The following DENND1B variants were observed in gnomAD, a reference collection of about 807,000 sequenced individuals.
DENND1B encodes the protein DENN domain-containing protein 1B.
In DENND1B, 59 loss-of-function variants were observed where a neutral mutation model predicts 90.1. That is an observed-to-expected ratio of 0.65 (90% confidence interval 0.53 to 0.81). The LOEUF is 0.81. Among genes scored for constraint, DENND1B ranks in the 40% least tolerant of loss-of-function variants. DENND1B has a pLI of 0.00. For missense variants in DENND1B, 862 were observed against 912.6 expected, an observed-to-expected ratio of 0.94 and a Z score of 0.71; for synonymous variants, 337 against 324.6, an observed-to-expected ratio of 1.04 and a Z score of -0.41.
chr1:197,781,403 A>C, the DENND1B span, among the ~76,000 whole-genome samples: 76 of 152,332 alleles, frequency 5.0e-4, no homozygotes, highest in African/African-American at 1.8e-3. Flanking sequence ...ATAGAAGAAA[A>C]GTTATAAAGT....
Position 197,674,250 on chromosome 1 carries a change from T to C in DENND1B, c.127-81A>G, listed in dbSNP as rs563349721. ...CAGTTAAAACTTCTTTGAGACATTTTCTAGGAGAAAAAGATGCTTTCTTTG... is the reference window on the plus strand; with the variant it reads ...CAGTTAAAACTTCTTTGAGACATTTCCTAGGAGAAAAAGATGCTTTCTTTG... On this transcript the variant is annotated intron_variant, in intron 3 of 22. Transcript: ENST00000620048. The C allele has an allele frequency of 3.0e-5, 31 of 1,021,284 alleles. 1 individual carries two copies. The South Asian group carries it at 4.4e-4, about 15-fold the overall frequency. The allele number at this position is 1,021,284 out of a possible 1,614,324, so 63.3% of individuals were successfully genotyped here. A position where few individuals can be genotyped will look rare whatever the true frequency, so the allele number is the denominator to read the frequency against.
intron 6 of DENND1B, among the ~76,000 whole-genome samples, chr1:197,653,211 A>T (rs1653430529): frequency 6.6e-6 from 1 of 152,116 alleles, no homozygotes; most frequent in Non-Finnish European, 1.5e-5. Context: ...CATAAAAAGA[A>T]CAAAAACAAT....
At chr1:197,529,613 A>G (rs1669474739) in intron 20 of DENND1B, among the ~76,000 whole-genome samples, 1 of 152,110 alleles carries the variant, frequency 6.6e-6, no homozygotes, top group Non-Finnish European at 1.5e-5. Flanking sequence ...TATAACTGCT[A>G]GACTAAGCCA....
intron 2 of DENND1B, among the ~76,000 whole-genome samples, chr1:197,746,088 T>C (rs1663717801): frequency 6.6e-6 from 1 of 152,188 alleles, no homozygotes; most frequent in African/African-American, 2.4e-5. Context: ...GTAGTTACAC[T>C]GGATACAGAT....
intron 20 of DENND1B, among the ~76,000 whole-genome samples, chr1:197,530,850 G>A (rs1203854610): frequency 6.6e-6 from 1 of 152,140 alleles, no homozygotes; most frequent in East Asian, 1.9e-4. Flanking sequence ...TTAAGGCTTA[G>A]GGATATTTTG....
intron 7 of DENND1B, among the ~76,000 whole-genome samples, chr1:197,651,645 C>CTTTTT (rs34012616): frequency 9.7e-5 from 6 of 61,560 alleles, no homozygotes; most frequent in Admixed American, 4.2e-4. Flanking sequence ...ATCAATGCTT[C>CTTTTT]TTTTTTTTTT....
intron 2 of DENND1B, among the ~76,000 whole-genome samples, chr1:197,726,283 T>G (rs1661626216): frequency 6.6e-6 from 1 of 152,130 alleles, no homozygotes; most frequent in African/African-American, 2.4e-5. Flanking sequence ...TCGTGTTTTA[T>G]ACAACTAAAT....
chr1:197,603,470 A>G (rs1261067694), intron 13 of DENND1B, among the ~76,000 whole-genome samples: 15 of 151,204 alleles, frequency 9.9e-5, no homozygotes, highest in Non-Finnish European at 1.6e-4. Flanking sequence ...TGACCTATCA[A>G]TATTATTACT....
chr1:197,541,120 A>G, intron 18 of DENND1B, 105 bp from the exon 19 acceptor site: 3 of 1,027,548 alleles, frequency 2.9e-6, no homozygotes, highest in Non-Finnish European at 4.4e-6. Flanking sequence ...TATTCATATG[A>G]TTTAGAAAAA....
intron 2 of DENND1B, among the ~76,000 whole-genome samples, chr1:197,749,816 G>C (rs1653214324): frequency 6.6e-6 from 1 of 151,908 alleles, no homozygotes; most frequent in Non-Finnish European, 1.5e-5. Flanking sequence ...TCAATTTATA[G>C]TGAAGTTTTT....
chr1:197,538,025 C>T (rs979570586), intron 20 of DENND1B, among the ~76,000 whole-genome samples: 1 of 151,930 alleles, frequency 6.6e-6, no homozygotes, highest in Non-Finnish European at 1.5e-5. Context: ...AAACCATCAA[C>T]TTGTAATGAA....
chr1:197,720,151 G>T (rs1661023803), intron 2 of DENND1B, among the ~76,000 whole-genome samples: 1 of 152,048 alleles, frequency 6.6e-6, no homozygotes, highest in South Asian at 2.1e-4. Context: ...TGCTATTTTT[G>T]AAAAAGTTTG....
At chr1:197,553,727 A>C (rs1378060317) in intron 15 of DENND1B, among the ~76,000 whole-genome samples, 1 of 152,176 alleles carries the variant, frequency 6.6e-6, no homozygotes, top group Admixed American at 6.6e-5. Context: ...TTACAATAAA[A>C]TCAATACAAC....
At chr1:197,619,823 T>A (rs1021341606) in intron 10 of DENND1B, among the ~76,000 whole-genome samples, 23 of 151,344 alleles carry the variant, frequency 1.5e-4, no homozygotes, top group African/African-American at 5.3e-4. Flanking sequence ...TGTAATTATA[T>A]GCAGAGTCAC....
At chr1:197,651,793 C>T (rs1012674955) in intron 7 of DENND1B, among the ~76,000 whole-genome samples, 7 of 151,124 alleles carry the variant, frequency 4.6e-5, no homozygotes, top group South Asian at 2.1e-4. Flanking sequence ...GTAGCTGGGA[C>T]TACAGGCGCC....
intron 20 of DENND1B, among the ~76,000 whole-genome samples, chr1:197,519,427 A>C (rs976999340): frequency 2.6e-5 from 4 of 151,918 alleles, no homozygotes; most frequent in African/African-American, 9.7e-5. Context: ...GAAGGGTATT[A>C]TATTCATTCA....
chr1:197,628,407 C>G (rs377555073), intron 10 of DENND1B, among the ~76,000 whole-genome samples: 23 of 152,102 alleles, frequency 1.5e-4, no homozygotes, highest in African/African-American at 4.3e-4. Flanking sequence ...ACAAACCTGA[C>G]AAAAACAAGC....
At chr1:197,713,780 T>TTG (rs1660218793) in intron 3 of DENND1B, among the ~76,000 whole-genome samples, 1 of 17,422 alleles carries the variant, frequency 5.7e-5, no homozygotes, top group African/African-American at 4.8e-4. Flanking sequence ...TATTATTATA[T>TTG]TATATTATAA....
At chr1:197,570,710 T>C (rs1263742508) in intron 15 of DENND1B, among the ~76,000 whole-genome samples, 1 of 152,216 alleles carries the variant, frequency 6.6e-6, no homozygotes, top group African/African-American at 2.4e-5. Context: ...AATCTCCCTA[T>C]GTCCCTAATC....
Sources: gnomAD v4.1 joint callset for allele counts (sites outside exome capture counted in the v4.1 genomes callset) on GRCh38, gnomAD v4.1.1 for gene constraint, MANE v1.5 for transcripts, NCBI Gene and HGNC (gene_info 2026-07-23, HGNC 2026-07-21) for gene names.